Variants in EEF2K observed in about 807,000 individuals in gnomAD.
The protein encoded by EEF2K is eukaryotic elongation factor 2 kinase.
EEF2K carries 70 observed loss-of-function variants against 93.8 expected under a neutral mutation model. The ratio of observed to expected loss-of-function variants is 0.75; its 90% CI spans 0.62 to 0.91. EEF2K has a LOEUF of 0.91. Ranked by LOEUF, EEF2K falls within the 40% of genes least tolerant of loss-of-function variation. The pLI, the probability that EEF2K is intolerant of heterozygous loss-of-function variation, is 0.00. For synonymous variants in EEF2K, 376 were observed against 380.8 expected (o/e 0.99, Z 0.15); for missense variants, 935 against 972.9 (o/e 0.96, Z 0.52).
intron 16 of EEF2K, among the ~76,000 whole-genome samples, chr16:22,276,000 T>A (rs1002517618): frequency 2.0e-5 from 3 of 151,910 alleles, no homozygotes; most frequent in Non-Finnish European, 4.4e-5. Context: ...CAGGCTGGAG[T>A]GCAGTGGTGT....
At chr16:22,239,900 C>T (rs545125515) in intron 2 of EEF2K, among the ~76,000 whole-genome samples, 25 of 152,114 alleles carry the variant, frequency 1.6e-4, no homozygotes, top group African/African-American at 5.3e-4. Flanking sequence ...GTCAAGAGAT[C>T]GAGACCATCC....
At chr16:22,232,418 T>C (rs567326421) in intron 2 of EEF2K, among the ~76,000 whole-genome samples, 1 of 151,970 alleles carries the variant, frequency 6.6e-6, no homozygotes, top group Admixed American at 6.6e-5. Context: ...TTTGGAACGA[T>C]GGGGTCTCAT....
At chr16:22,252,986 A>G (rs1425012026) in intron 6 of EEF2K, among the ~76,000 whole-genome samples, 1 of 152,162 alleles carries the variant, frequency 6.6e-6, no homozygotes, top group Non-Finnish European at 1.5e-5. Flanking sequence ...GGGAGCTACA[A>G]TTCAAGATGA....
chr16:22,244,102 G>A (rs936296290), intron 2 of EEF2K, among the ~76,000 whole-genome samples: 2 of 151,300 alleles, frequency 1.3e-5, no homozygotes, highest in African/African-American at 2.4e-5. Flanking sequence ...GGTGGCGGGC[G>A]CCTATAATCT....
At chr16:22,268,774 A>G (rs374149182) in intron 15 of EEF2K, among the ~76,000 whole-genome samples, 40 of 152,042 alleles carry the variant, frequency 2.6e-4, no homozygotes, top group African/African-American at 9.4e-4. Flanking sequence ...TGCCCAACAT[A>G]GCAAAACCCT....
intron 1 of EEF2K, among the ~76,000 whole-genome samples, chr16:22,223,220 C>T (rs1448200866): frequency 6.7e-5 from 10 of 149,762 alleles, no homozygotes; most frequent in South Asian, 4.2e-4. Context: ...CTGGATCATA[C>T]GGTAACTCAG....
At chr16:22,253,409 G>T (rs376898387) in intron 6 of EEF2K, among the ~76,000 whole-genome samples, 1 of 152,194 alleles carries the variant, frequency 6.6e-6, no homozygotes, top group African/African-American at 2.4e-5. Context: ...ACCCTGGGGG[G>T]CTGTGGCTTC....
At chr16:22,279,752 T>C (rs549029854) in intron 16 of EEF2K, among the ~76,000 whole-genome samples, 4 of 152,226 alleles carry the variant, frequency 2.6e-5, no homozygotes, top group Admixed American at 2.0e-4. Context: ...CTCAGCACTT[T>C]GGGAGGCCTA....
intron 1 of EEF2K, among the ~76,000 whole-genome samples, chr16:22,216,891 G>A (rs1358453622): frequency 6.6e-6 from 1 of 152,086 alleles, no homozygotes; most frequent in African/African-American, 2.4e-5. Context: ...GCCGGGTGCA[G>A]TGGCTCATGC....
intron 1 of EEF2K, among the ~76,000 whole-genome samples, chr16:22,214,724 A>C (rs970192622): frequency 2.6e-5 from 4 of 152,186 alleles, no homozygotes; most frequent in African/African-American, 7.2e-5. Context: ...GGAGGAGGTC[A>C]ACATTTGAGC....
chr16:22,265,059 TGCTGGGG>T (rs2047504122), intron 13 of EEF2K, 179 bp downstream of exon 13: 7 of 634,864 alleles, frequency 1.1e-5, no homozygotes, highest in Admixed American at 5.6e-5. Context: ...CAGGGCAGGA[TGCTGGGG>T]GATTTGTGGG....
chr16:22,211,949 C>T (rs1392541521), intron 1 of EEF2K, among the ~76,000 whole-genome samples: 1 of 150,366 alleles, frequency 6.7e-6, no homozygotes, highest in Non-Finnish European at 1.5e-5. Flanking sequence ...CTCACATGGT[C>T]TGGCCACCGA....
intron 16 of EEF2K, among the ~76,000 whole-genome samples, chr16:22,275,336 A>AT (rs1555475114): frequency 4.7e-5 from 7 of 150,368 alleles, no homozygotes; most frequent in Admixed American, 2.0e-4. Context: ...TTTAATTATT[A>AT]TTATTTATTT....
chr16:22,207,946 A>G (rs1448711874), intron 1 of EEF2K, among the ~76,000 whole-genome samples: 5 of 152,180 alleles, frequency 3.3e-5, no homozygotes, highest in Admixed American at 2.0e-4. Context: ...TAGAGTTCAG[A>G]GATGGCGTAT....
intron 1 of EEF2K, among the ~76,000 whole-genome samples, chr16:22,214,695 C>G (rs60099332): frequency 0.11 from 16,391 of 151,772 alleles, 1,455 homozygotes; most frequent in East Asian, 0.52. Context: ...CCAAAAGAAA[C>G]AAACAAGGAA....
chr16:22,258,511 C>A lies in EEF2K; in HGVS notation c.1047C>A (p.Ile349=). 6.2e-7 allele frequency: 1 copy of A among 1,614,076 alleles called. No homozygotes were observed. Among genetic ancestry groups the A allele is most frequent in the South Asian group, 1.1e-5 (1 of 91,074 alleles). The stretch of plus-strand genomic sequence containing the variant: ...GTCCCTAGCAATCAGCCAAGACCAT[C>A]TTGAGAGGAACAGAGGAAAAATGTG... ...NTKLLQSAKT[I]LRGTEEKCGS... The change falls in exon 10 of 18, where the codon ATC becomes ATA. Residue 349 remains isoleucine (I), a synonymous_variant. Transcript: ENST00000263026.
At chr16:22,224,856 G>C (rs1172491659) in intron 1 of EEF2K, among the ~76,000 whole-genome samples, 1 of 152,004 alleles carries the variant, frequency 6.6e-6, no homozygotes, top group Non-Finnish European at 1.5e-5. Flanking sequence ...GCGAGGCTGA[G>C]GCAGCAGAAT....
At chr16:22,220,310 C>T (rs930804163) in intron 1 of EEF2K, among the ~76,000 whole-genome samples, 4 of 152,222 alleles carry the variant, frequency 2.6e-5, no homozygotes, top group African/African-American at 9.6e-5. Context: ...CCGAGGAGAA[C>T]GTCAGGTCTG....
chr16:22,222,702 T>TAAAAA (rs1161314400), intron 1 of EEF2K, among the ~76,000 whole-genome samples: 5 of 96,520 alleles, frequency 5.2e-5, no homozygotes, highest in Admixed American at 2.5e-4. Flanking sequence ...ACCCCGTCCC[T>TAAAAA]AAAAAAAAAA....
Sources: allele counts gnomAD v4.1 joint callset (sites outside exome capture counted in the v4.1 genomes callset), GRCh38; gene constraint gnomAD v4.1.1; transcripts MANE v1.5; gene names NCBI Gene and HGNC (gene_info 2026-07-23, HGNC 2026-07-21).